The following ZNF469 variants were observed in gnomAD, a reference collection of about 807,000 sequenced individuals.
ZNF469 encodes zinc finger protein 469.
In ZNF469, 1 loss-of-function variant was observed where a neutral mutation model predicts 1.0. The ratio of observed to expected loss-of-function variants is 1.00; its 90% CI spans 0.35 to 4.73. The LOEUF (loss-of-function observed/expected upper bound fraction) is 4.73. Ranked by LOEUF, ZNF469 falls within the 30% of genes most tolerant of loss-of-function variation. The pLI is 0.16. For missense variants in ZNF469, 6,100 were observed against 5,356.3 expected (o/e 1.14, Z -4.33); for synonymous variants, 2,703 against 2,363.4 (o/e 1.14, Z -4.17).
At chr16:88,148,304 G>T in the ZNF469 span, among the ~76,000 whole-genome samples, 8 of 152,178 alleles carry the variant, frequency 5.3e-5, no homozygotes, top group Non-Finnish European at 1.2e-4. Flanking sequence ...GGGGCCTGCA[G>T]CATGTTCTGC....
At position 88,427,725 on chromosome 16, in the gene ZNF469, C is replaced by T. The variant is rs1320883472; in HGVS notation, c.255C>T (p.Ser85=). The change falls in exon 3 of 3, where the codon AGC becomes AGT. Residue 85 remains serine (S), a synonymous_variant. Transcript: ENST00000565624. The part of the protein sequence containing the change: ...PPSLRGQAPS[S]TPGKRGSPQT... ...CCCTGAGAGGCCAGGCCCCGAGCAG[C>T]ACCCCTGGGAAGAGGGGCAGCCCCC... 2 of 1,536,500 alleles carry T rather than the reference C, an allele frequency of 1.3e-6. No individual in the cohort carries two copies. The highest frequency in any genetic ancestry group is 1.4e-5 in the African/African-American group (1 of 72,900).
At chr16:88,131,018 C>T in the ZNF469 span, among the ~76,000 whole-genome samples, 1 of 152,226 alleles carries the variant, frequency 6.6e-6, no homozygotes, top group South Asian at 2.1e-4. Context: ...CTGCGTGGCT[C>T]GGTTCCACGG....
At chr16:88,129,836 G>T in the ZNF469 span, among the ~76,000 whole-genome samples, 1 of 152,346 alleles carries the variant, frequency 6.6e-6, no homozygotes, top group Non-Finnish European at 1.5e-5. Flanking sequence ...TCAGCAGCCT[G>T]GGCCACAGAG....
At chr16:88,182,306 T>G in the ZNF469 span, among the ~76,000 whole-genome samples, 39 of 152,140 alleles carry the variant, frequency 2.6e-4, no homozygotes, top group Admixed American at 7.2e-4. Flanking sequence ...CCCTGCAAAC[T>G]GAGCTATAGA....
chr16:88,232,845 C>T, the ZNF469 span, among the ~76,000 whole-genome samples: 193 of 152,356 alleles, frequency 1.3e-3, no homozygotes, highest in Admixed American at 3.5e-3. Flanking sequence ...CGGAGCTGCT[C>T]CTCAGGGTTC....
At chr16:88,330,324 G>A in the ZNF469 span, among the ~76,000 whole-genome samples, 1 of 152,224 alleles carries the variant, frequency 6.6e-6, no homozygotes, top group Admixed American at 6.5e-5. Flanking sequence ...TGTACTGTCG[G>A]ATACGGTCCT....
chr16:88,103,579 A>C, the ZNF469 span, among the ~76,000 whole-genome samples: 47 of 152,280 alleles, frequency 3.1e-4, no homozygotes, highest in African/African-American at 1.1e-3. Flanking sequence ...GGGGGGGATC[A>C]GGAGAGTAGG....
chr16:88,163,778 T>A, the ZNF469 span, among the ~76,000 whole-genome samples: 1 of 151,776 alleles, frequency 6.6e-6, no homozygotes, highest in Non-Finnish European at 1.5e-5. Context: ...GGTGGATAGA[T>A]GCCTGAAAGG....
chr16:88,116,955 GCACACACACACACACA>G, the ZNF469 span, among the ~76,000 whole-genome samples: 22,722 of 151,286 alleles, frequency 0.15, 2,071 homozygotes, highest in East Asian at 0.25. Flanking sequence ...GTGCATGCGT[GCACACACACACACACA>G]CACACACACA....
the ZNF469 span, among the ~76,000 whole-genome samples, chr16:88,156,144 A>G: frequency 4.6e-5 from 7 of 152,222 alleles, no homozygotes; most frequent in Admixed American, 6.5e-5. Context: ...TAGTCCAGAT[A>G]CATGTTCCTT....
chr16:88,208,821 T>A, the ZNF469 span, among the ~76,000 whole-genome samples: 3 of 147,360 alleles, frequency 2.0e-5, no homozygotes, highest in Non-Finnish European at 3.0e-5. Context: ...TCTCTCTCTC[T>A]CTCTCTCTCT....
At chr16:88,405,183 G>T (rs1904992805) in intron 1 of ZNF469, among the ~76,000 whole-genome samples, 1 of 152,188 alleles carries the variant, frequency 6.6e-6, no homozygotes, top group Non-Finnish European at 1.5e-5. Flanking sequence ...TGCAGCCACA[G>T]GATGGGCCAG....
At chr16:88,364,489 C>CAAAAAAAA in the ZNF469 span, among the ~76,000 whole-genome samples, 1 of 56,142 alleles carries the variant, frequency 1.8e-5, no homozygotes, top group Non-Finnish European at 3.7e-5. Flanking sequence ...TGTTGATTTC[C>CAAAAAAAA]AAAAAAAAAA....
chr16:88,220,188 T>C, the ZNF469 span, among the ~76,000 whole-genome samples: 1 of 152,154 alleles, frequency 6.6e-6, no homozygotes, highest in Non-Finnish European at 1.5e-5. Context: ...CAGAGGGCAC[T>C]GCATGCTGGC....
At chr16:88,410,345 A>G (rs1344767811) in intron 1 of ZNF469, among the ~76,000 whole-genome samples, 2 of 151,712 alleles carry the variant, frequency 1.3e-5, no homozygotes, top group South Asian at 2.1e-4. Context: ...AGTAACGTCT[A>G]TGATGCTGTT....
chr16:88,230,063 C>T, the ZNF469 span, among the ~76,000 whole-genome samples: 1 of 152,206 alleles, frequency 6.6e-6, no homozygotes, highest in Non-Finnish European at 1.5e-5. Context: ...TTCCAAAGTC[C>T]AGTGTCCCTT....
the ZNF469 span, among the ~76,000 whole-genome samples, chr16:88,252,999 G>A: frequency 6.6e-6 from 1 of 152,190 alleles, no homozygotes; most frequent in Non-Finnish European, 1.5e-5. Context: ...GCTTCACATG[G>A]TGTTTTTGAG....
the ZNF469 span, among the ~76,000 whole-genome samples, chr16:88,146,652 G>A: frequency 3.1e-3 from 475 of 151,974 alleles, 8 homozygotes; most frequent in African/African-American, 0.011. Flanking sequence ...GGCTGCTCCC[G>A]TGTGCTGTGC....
the ZNF469 span, among the ~76,000 whole-genome samples, chr16:88,210,141 G>T: frequency 6.6e-6 from 1 of 152,098 alleles, no homozygotes; most frequent in Non-Finnish European, 1.5e-5. Flanking sequence ...TCTGTTTTGA[G>T]TGATATTGAG....
Sources: gnomAD v4.1 joint callset for allele counts (sites outside exome capture counted in the v4.1 genomes callset) on GRCh38, gnomAD v4.1.1 for gene constraint, MANE v1.5 for transcripts, NCBI Gene and HGNC (gene_info 2026-07-23, HGNC 2026-07-21) for gene names.